The following PTPRD variants were observed in gnomAD, a reference collection of about 807,000 sequenced individuals.
PTPRD encodes the protein receptor-type tyrosine-protein phosphatase delta.
Under a neutral mutation model 214.5 loss-of-function variants are expected in PTPRD, and 34 were observed. The observed-to-expected ratio is 0.16, with a 90% CI of 0.12 to 0.21. The LOEUF is 0.21. Ranked by LOEUF, PTPRD falls within the 10% of genes least tolerant of loss-of-function variation. The pLI, the probability that PTPRD is intolerant of heterozygous loss-of-function variation, is 1.00. For missense variants in PTPRD, 2,545 were observed against 2,398.7 expected, an observed-to-expected ratio of 1.06 and a Z score of -1.27; for synonymous variants, 1,128 against 845.7, an observed-to-expected ratio of 1.33 and a Z score of -5.79.
rs141874234 is a variant in PTPRD at position 10,494,605 on chromosome 9, T to C, written c.-600+117793A>G. 6.2e-3 allele frequency among the ~76,000 whole-genome samples: 934 copies of C among 150,756 alleles called. 8 individuals are homozygous for C. Among genetic ancestry groups the C allele is most frequent in the African/African-American group, 0.021 (864 of 41,342 alleles). On this transcript the variant is annotated intron_variant, in intron 2 of 45. Transcript: ENST00000381196. ...GCTGTATGTAAGGGAAGATTTTAGG[T>C]CTTTTCTCTCAGTCTGGGGCTTTTT...
chr9:8,933,828 T>C (rs1178527248), intron 11 of PTPRD, among the ~76,000 whole-genome samples: 1 of 152,180 alleles, frequency 6.6e-6, no homozygotes, highest in Non-Finnish European at 1.5e-5. Context: ...TGCAAGATTA[T>C]ATCTTAATCT....
At chr9:10,247,444 A>G (rs1336643040) in intron 3 of PTPRD, among the ~76,000 whole-genome samples, 1 of 152,232 alleles carries the variant, frequency 6.6e-6, no homozygotes, top group Non-Finnish European at 1.5e-5. Context: ...GTAGTTTTAT[A>G]CAGTAACTTT....
chr9:10,506,177 G>T (rs575945259), intron 2 of PTPRD, among the ~76,000 whole-genome samples: 1 of 152,090 alleles, frequency 6.6e-6, no homozygotes, highest in African/African-American at 2.4e-5. Context: ...AGGGGAAATG[G>T]ATACTTTTAA....
chr9:10,549,403 T>C (rs1051756882), intron 2 of PTPRD, among the ~76,000 whole-genome samples: 8 of 151,954 alleles, frequency 5.3e-5, no homozygotes, highest in African/African-American at 1.2e-4. Flanking sequence ...GTTGGGAAAA[T>C]AGAAAAAAAA....
At chr9:9,070,210 G>A (rs915036055) in intron 10 of PTPRD, among the ~76,000 whole-genome samples, 1 of 152,164 alleles carries the variant, frequency 6.6e-6, no homozygotes, top group Non-Finnish European at 1.5e-5. Flanking sequence ...TTACACAGAG[G>A]TTGGAGAAGG....
chr9:8,956,813 C>T (rs1333595921), intron 11 of PTPRD, among the ~76,000 whole-genome samples: 1 of 151,860 alleles, frequency 6.6e-6, no homozygotes, highest in Non-Finnish European at 1.5e-5. Context: ...TCATCTATCT[C>T]AGTGAATCTT....
At chr9:9,281,289 A>T (rs1947605293) in intron 9 of PTPRD, among the ~76,000 whole-genome samples, 1 of 151,274 alleles carries the variant, frequency 6.6e-6, no homozygotes, top group Non-Finnish European at 1.5e-5. Context: ...TCTGCTCTGC[A>T]AAACCCAAAA....
At chr9:10,507,900 A>G (rs1326402995) in intron 2 of PTPRD, among the ~76,000 whole-genome samples, 1 of 152,214 alleles carries the variant, frequency 6.6e-6, no homozygotes. Flanking sequence ...CAAGGACTTC[A>G]TGTCTAAAAC....
intron 3 of PTPRD, among the ~76,000 whole-genome samples, chr9:10,325,800 T>C (rs1597162406): frequency 6.6e-6 from 1 of 151,898 alleles, no homozygotes; most frequent in South Asian, 2.1e-4. Flanking sequence ...AGGAAGAATT[T>C]TGCCTGGGTT....
At chr9:9,573,597 A>C (rs576251913) in intron 8 of PTPRD, among the ~76,000 whole-genome samples, 1 of 151,906 alleles carries the variant, frequency 6.6e-6, no homozygotes, top group East Asian at 1.9e-4. Flanking sequence ...GAAATAATTT[A>C]TTTAAAAAGT....
intron 5 of PTPRD, among the ~76,000 whole-genome samples, chr9:9,881,537 G>GAAA (rs897743926): frequency 9.9e-5 from 15 of 152,062 alleles, no homozygotes; most frequent in African/African-American, 2.9e-4. Flanking sequence ...AGGCTGTTGT[G>GAAA]AAAATAAACT....
chr9:8,487,003 AC>A (rs1563749900), intron 27 of PTPRD, among the ~76,000 whole-genome samples: 1 of 152,110 alleles, frequency 6.6e-6, no homozygotes, highest in Non-Finnish European at 1.5e-5. Context: ...TTAAAAAAAA[AC>A]CAAACTACAA....
intron 2 of PTPRD, among the ~76,000 whole-genome samples, chr9:10,392,595 G>A (rs532182369): frequency 1.8e-4 from 27 of 151,942 alleles, no homozygotes; most frequent in African/African-American, 6.5e-4. Flanking sequence ...AATACACTGA[G>A]GAAAGATGGC....
intron 12 of PTPRD, among the ~76,000 whole-genome samples, chr9:8,703,883 T>A (rs924351175): frequency 6.6e-6 from 1 of 152,112 alleles, no homozygotes; most frequent in Admixed American, 6.6e-5. Context: ...AGCTCATGAT[T>A]CTCCATTCAA....
At chr9:9,726,615 T>C (rs943985939) in intron 7 of PTPRD, among the ~76,000 whole-genome samples, 1 of 152,210 alleles carries the variant, frequency 6.6e-6, no homozygotes, top group Non-Finnish European at 1.5e-5. Flanking sequence ...TCTTCCACTA[T>C]TTCTCATTTG....
chr9:9,403,061 G>A (rs1040630244), intron 8 of PTPRD, among the ~76,000 whole-genome samples: 20 of 149,990 alleles, frequency 1.3e-4, no homozygotes, highest in Non-Finnish European at 3.0e-5. Context: ...AGCCAAAGGC[G>A]AGTGGATCAC....
intron 8 of PTPRD, among the ~76,000 whole-genome samples, chr9:9,406,031 C>A (rs1037618483): frequency 6.6e-6 from 1 of 151,808 alleles, no homozygotes; most frequent in African/African-American, 2.4e-5. Flanking sequence ...ATTTGGATAA[C>A]TTTGGTTTGG....
intron 8 of PTPRD, among the ~76,000 whole-genome samples, chr9:9,403,421 T>TTCTCTCTCTCTCTC (rs150192743): frequency 6.7e-6 from 1 of 149,678 alleles, no homozygotes; most frequent in African/African-American, 2.5e-5. Flanking sequence ...CTCTCTCTCT[T>TTCTCTCTCTCTCTC]TCTCTCTCTC....
At chr9:9,510,970 T>C (rs2096690894) in intron 8 of PTPRD, among the ~76,000 whole-genome samples, 1 of 151,712 alleles carries the variant, frequency 6.6e-6, no homozygotes, top group Non-Finnish European at 1.5e-5. Context: ...GTGGGACCTC[T>C]GGGAGACACT....
Sources: gnomAD v4.1 joint callset for allele counts (sites outside exome capture counted in the v4.1 genomes callset) on GRCh38, gnomAD v4.1.1 for gene constraint, MANE v1.5 for transcripts, NCBI Gene and HGNC (gene_info 2026-07-23, HGNC 2026-07-21) for gene names.